Variants in DLG2 observed in about 807,000 individuals in gnomAD.
DLG2 encodes disks large homolog 2.
A neutral mutation model predicts 132.5 loss-of-function variants in DLG2; 45 were observed. The observed-to-expected ratio is 0.34, with a 90% CI of 0.27 to 0.44. The LOEUF is 0.44. DLG2 is among the 20% of genes least tolerant of loss of function. The pLI is 1.00. For missense variants in DLG2, 1,045 were observed against 1,196.9 expected (o/e 0.87, Z 1.87); for synonymous variants, 424 against 419.6 (o/e 1.01, Z -0.13).
At chr11:84,668,213 TTTCTGAGTCTATAC>T (rs1458069644) in intron 6 of DLG2, among the ~76,000 whole-genome samples, 1 of 152,156 alleles carries the variant, frequency 6.6e-6, no homozygotes, top group Non-Finnish European at 1.5e-5. Context: ...CCAAAGTTCC[TTTCTGAGTCTATAC>T]TTCTATAATG....
At chr11:85,233,818 GT>G (rs1410821163) in intron 4 of DLG2, among the ~76,000 whole-genome samples, 1 of 150,724 alleles carries the variant, frequency 6.6e-6, no homozygotes, top group Non-Finnish European at 1.5e-5. Flanking sequence ...GTTTTAACTA[GT>G]TTTTGCTCCT....
intron 6 of DLG2, among the ~76,000 whole-genome samples, chr11:84,873,013 T>C (rs1413811422): frequency 6.6e-6 from 1 of 152,212 alleles, no homozygotes. Flanking sequence ...CTATTTCACA[T>C]GGTAGACAGA....
chr11:84,610,547 A>T (rs2099593621), intron 6 of DLG2, among the ~76,000 whole-genome samples: 2 of 151,982 alleles, frequency 1.3e-5, no homozygotes, highest in South Asian at 4.1e-4. Flanking sequence ...CACAAAATCT[A>T]CTCCACTACT....
intron 4 of DLG2, among the ~76,000 whole-genome samples, chr11:85,186,947 A>C (rs540094041): frequency 6.6e-6 from 1 of 152,254 alleles, no homozygotes; most frequent in South Asian, 2.1e-4. Flanking sequence ...ATAATGAATA[A>C]ATAAAGTATA....
chr11:85,314,120 T>C (rs1186572076), intron 3 of DLG2, among the ~76,000 whole-genome samples: 1 of 152,016 alleles, frequency 6.6e-6, no homozygotes, highest in East Asian at 1.9e-4. Context: ...GGAACATTTA[T>C]TGAGAACATA....
intron 7 of DLG2, among the ~76,000 whole-genome samples, chr11:84,396,298 T>C (rs960601932): frequency 6.6e-6 from 1 of 152,242 alleles, no homozygotes; most frequent in African/African-American, 2.4e-5. Context: ...TACATAGTTT[T>C]ATAGTTAATT....
chr11:84,835,731 T>C (rs1424532657), intron 6 of DLG2, among the ~76,000 whole-genome samples: 1 of 151,760 alleles, frequency 6.6e-6, no homozygotes, highest in Non-Finnish European at 1.5e-5. Context: ...GCTATCTATA[T>C]ACATCATAGT....
rs76392812 is a variant in DLG2 at position 84,864,999 on chromosome 11, C to T, written c.357+246662G>A. Among the ~76,000 whole-genome samples, 1,484 of 152,204 alleles carry T rather than the reference C, an allele frequency of 9.8e-3. 20 individuals are homozygous for T. The highest frequency in any genetic ancestry group is 0.051 in the South Asian group (246 of 4,818). ...TATACCAAGACAGAGTAATACACTA[C>T]ATTAGGCATATACAAAGAAAAATCT... is the stretch of plus-strand genomic sequence containing the variant. On this transcript the variant is annotated intron_variant, in intron 6 of 27. Transcript: ENST00000376104.
chr11:84,933,775 G>T (rs147219615), intron 6 of DLG2, among the ~76,000 whole-genome samples: 5 of 152,162 alleles, frequency 3.3e-5, no homozygotes, highest in Admixed American at 1.3e-4. Context: ...AGACTATGGG[G>T]TTTTCTAGAT....
chr11:84,639,688 C>T (rs559174839), intron 6 of DLG2, among the ~76,000 whole-genome samples: 3 of 152,206 alleles, frequency 2.0e-5, no homozygotes, highest in African/African-American at 7.2e-5. Flanking sequence ...AGTGGCTCTT[C>T]CCAAATGAGC....
chr11:85,332,816 G>A (rs1219788299), intron 3 of DLG2, among the ~76,000 whole-genome samples: 2 of 151,874 alleles, frequency 1.3e-5, no homozygotes, highest in African/African-American at 4.8e-5. Context: ...TGGTCTGTCT[G>A]TTTTCCTGCA....
intron 3 of DLG2, among the ~76,000 whole-genome samples, chr11:85,570,554 T>C (rs922293784): frequency 4.6e-5 from 7 of 152,198 alleles, no homozygotes; most frequent in Admixed American, 1.3e-4. Flanking sequence ...TTATGTTGTG[T>C]GGATCTCTTT....
At position 85,408,010 on chromosome 11, in the gene DLG2, CA is replaced by C. The variant is rs569004759; in HGVS notation, c.41-122646del. On this transcript the variant is annotated intron_variant, in intron 3 of 27. Coordinates refer to ENST00000376104, the MANE Select transcript of DLG2 (RefSeq NM_001142699.3). ...CGACAGCAACTGCTATATATCTAGA[CA>C]AAAAAAAAAGACTGACAGTCTATAA... 7.5e-4 allele frequency among the ~76,000 whole-genome samples: 105 copies of C among 140,068 alleles called. 1 individual carries two copies. The South Asian group carries it at 0.02, about 27-fold the overall frequency. The allele number at this position is 140,068 out of a possible 152,430, so 91.9% of individuals were successfully genotyped here. A position where few individuals can be genotyped will look rare whatever the true frequency, so the allele number is the denominator to read the frequency against.
At position 83,587,001 on chromosome 11, in the gene DLG2, A is replaced by G. The variant is rs559833049; in HGVS notation, c.1941-45143T>C. Among the ~76,000 whole-genome samples, 6 of 152,304 alleles carry G rather than the reference A, an allele frequency of 3.9e-5. No homozygotes were observed. The East Asian group carries it at 7.7e-4, about 20-fold the overall frequency. ...TCAAAGAAAAACAATCTGACTTTAA[A>G]TCCTGACTCCTCTTCTTCTAGTTAT... On this transcript the variant is annotated intron_variant, in intron 19 of 27. Transcript: ENST00000376104.
intron 7 of DLG2, among the ~76,000 whole-genome samples, chr11:84,253,727 A>G (rs555862033): frequency 1.3e-5 from 2 of 152,308 alleles, no homozygotes; most frequent in South Asian, 4.1e-4. Context: ...AACCTTACTG[A>G]TGAGGCATTA....
At chr11:85,627,121 G>C (rs1052082694) in intron 1 of DLG2, 97 bp downstream of exon 1, 2 of 152,184 alleles carry the variant, frequency 1.3e-5, no homozygotes, top group African/African-American at 2.4e-5. Context: ...TTTGACTCCA[G>C]TCTCTAAAAA....
At chr11:84,591,679 A>G (rs2099543707) in intron 6 of DLG2, among the ~76,000 whole-genome samples, 1 of 151,956 alleles carries the variant, frequency 6.6e-6, no homozygotes, top group African/African-American at 2.4e-5. Flanking sequence ...TAAAAAAATA[A>G]AAATAATAAT....
chr11:83,774,393 T>C (rs1254286721), intron 18 of DLG2, among the ~76,000 whole-genome samples: 1 of 152,232 alleles, frequency 6.6e-6, no homozygotes, highest in East Asian at 1.9e-4. Flanking sequence ...AGGCATTTTA[T>C]ATGTACGCCT....
At chr11:83,798,354 A>G (rs1263657094) in intron 17 of DLG2, among the ~76,000 whole-genome samples, 1 of 152,250 alleles carries the variant, frequency 6.6e-6, no homozygotes, top group Non-Finnish European at 1.5e-5. Context: ...TAAAATGCTT[A>G]AAATAATATT....
Sources: allele counts gnomAD v4.1 joint callset (sites outside exome capture counted in the v4.1 genomes callset), GRCh38; gene constraint gnomAD v4.1.1; transcripts MANE v1.5; gene names NCBI Gene and HGNC (gene_info 2026-07-23, HGNC 2026-07-21).